DNAJC6: variants seen among roughly 807,000 people sequenced by gnomAD.
DNAJC6 encodes the protein DnaJ heat shock protein family (Hsp40) member C6.
In DNAJC6, 34 loss-of-function variants were observed where a neutral mutation model predicts 110.0. The observed-to-expected ratio is 0.31, with a 90% confidence interval of 0.24 to 0.41. The LOEUF is 0.41. Among genes scored for constraint, DNAJC6 ranks in the 10% least tolerant of loss-of-function variants. The probability of loss-of-function intolerance (pLI) is 1.00; values close to 1 mark genes in which losing one functional copy is unlikely to be tolerated. For missense variants in DNAJC6, 1,031 were observed against 1,207.8 expected (o/e 0.85, Z 2.17); for synonymous variants, 406 against 437.2 (o/e 0.93, Z 0.89).
At chr1:65,383,805 T>C (rs909307426) in intron 5 of DNAJC6, among the ~76,000 whole-genome samples, 3 of 152,238 alleles carry the variant, frequency 2.0e-5, no homozygotes, top group Non-Finnish European at 4.4e-5. Flanking sequence ...TTGCATGAGA[T>C]ACATATATGC....
At chr1:65,402,423 T>C (rs1030716458) in intron 15 of DNAJC6, among the ~76,000 whole-genome samples, 4 of 152,288 alleles carry the variant, frequency 2.6e-5, no homozygotes, top group African/African-American at 7.2e-5. Flanking sequence ...ACAGGATAAG[T>C]GTTCTGAGAG....
intron 1 of DNAJC6, among the ~76,000 whole-genome samples, chr1:65,291,587 C>A (rs1448445293): frequency 6.6e-6 from 1 of 152,048 alleles, no homozygotes; most frequent in Non-Finnish European, 1.5e-5. Flanking sequence ...TGAACTATAT[C>A]CCTGCATACT....
rs909600033 is a variant in DNAJC6 at position 65,398,092 on chromosome 1, C to T, written c.2039-721C>T. Among the ~76,000 whole-genome samples, 6 of 152,156 alleles carry T rather than the reference C, an allele frequency of 3.9e-5. 1 individual carries two copies. Among genetic ancestry groups the T allele is most frequent in the African/African-American group, 7.2e-5 (3 of 41,444 alleles). The stretch of plus-strand genomic sequence containing the variant: ...TTATAGATGTGTAAAAAACTTACTA[C>T]GCACATGTATTCCTCTAGTACACCT... On this transcript the variant is annotated intron_variant, in intron 13 of 18. Coordinates refer to ENST00000371069, the MANE Select transcript of DNAJC6 (RefSeq NM_001256864.2).
Position 65,392,742 on chromosome 1 carries a change from A to AC in DNAJC6, c.1783dup (p.Gln595ProfsTer14). 1 of 1,612,966 alleles carries AC rather than the reference A, an allele frequency of 6.2e-7. No homozygotes were observed. The highest frequency in any genetic ancestry group is 1.1e-5 in the South Asian group (1 of 90,784). On this transcript the variant is annotated frameshift_variant, in exon 12 of 19. Coordinates refer to ENST00000371069, the MANE Select transcript of DNAJC6 (RefSeq NM_001256864.2). LOFTEE classifies it high-confidence loss of function. Reference sequence around the variant, plus strand: ...TGGGGGTGGAGGTGCAGCTGGTCCCACCCAGGCTGGACAGTCAGGAGTGGA... The same window carrying AC: ...TGGGGGTGGAGGTGCAGCTGGTCCCACCCCAGGCTGGACAGTCAGGAGTGGA...
chr1:65,393,792 G>A (rs1570367532), intron 12 of DNAJC6, among the ~76,000 whole-genome samples: 1 of 152,104 alleles, frequency 6.6e-6, no homozygotes, highest in Non-Finnish European at 1.5e-5. Flanking sequence ...AACTCTTCAG[G>A]CCTATAGTAT....
intron 1 of DNAJC6, among the ~76,000 whole-genome samples, chr1:65,295,850 A>G (rs1323513190): frequency 6.6e-6 from 1 of 152,146 alleles, no homozygotes; most frequent in African/African-American, 2.4e-5. Flanking sequence ...GAAAGTTAAG[A>G]TAGATTGAGG....
chr1:65,283,640 G>A (rs1396804704), intron 1 of DNAJC6, among the ~76,000 whole-genome samples: 1 of 152,232 alleles, frequency 6.6e-6, no homozygotes, highest in Non-Finnish European at 1.5e-5. Flanking sequence ...CTGTGTGAAA[G>A]TAAGTCTTCA....
chr1:65,381,811 T>C (rs1392444289), intron 5 of DNAJC6, among the ~76,000 whole-genome samples: 1 of 152,226 alleles, frequency 6.6e-6, no homozygotes, highest in Non-Finnish European at 1.5e-5. Context: ...TATTCTGTTT[T>C]CTTTATCAGA....
intron 1 of DNAJC6, among the ~76,000 whole-genome samples, chr1:65,270,568 T>A (rs1295716429): frequency 1.3e-5 from 2 of 152,188 alleles, no homozygotes; most frequent in Admixed American, 1.3e-4. Flanking sequence ...TTACCCTCTT[T>A]AAAGGGCAGA....
At chr1:65,345,315 G>C (rs1383804305) in intron 1 of DNAJC6, among the ~76,000 whole-genome samples, 1 of 151,418 alleles carries the variant, frequency 6.6e-6, no homozygotes, top group Non-Finnish European at 1.5e-5. Flanking sequence ...GAAATAAGAA[G>C]GTAGGCATGC....
chr1:65,387,022 T>C, intron 8 of DNAJC6, 93 bp downstream of exon 8: 1 of 1,049,236 alleles, frequency 9.5e-7, no homozygotes, highest in South Asian at 1.4e-5. Flanking sequence ...TGGGCTTGAG[T>C]CACTTGTAGT....
intron 1 of DNAJC6, among the ~76,000 whole-genome samples, chr1:65,289,709 T>C (rs1886777): frequency 0.71 from 108,286 of 152,132 alleles, 39,799 homozygotes; most frequent in African/African-American, 0.91. Context: ...TTAAGCTATC[T>C]GGTCTATGCT....
At chr1:65,326,785 A>G (rs1438348128) in intron 1 of DNAJC6, among the ~76,000 whole-genome samples, 3 of 152,198 alleles carry the variant, frequency 2.0e-5, no homozygotes, top group African/African-American at 7.2e-5. Flanking sequence ...TTTCTATGCC[A>G]CTGCTTAAAG....
At chr1:65,357,944 C>T (rs1390391606) in intron 1 of DNAJC6, among the ~76,000 whole-genome samples, 3 of 152,024 alleles carry the variant, frequency 2.0e-5, no homozygotes, top group African/African-American at 4.8e-5. Context: ...ATTGGGAGGC[C>T]GAGGCTGGCG....
At chr1:65,264,975 G>A (rs1279958599) in intron 1 of DNAJC6, 1 of 1,591,696 alleles carries the variant, frequency 6.3e-7, no homozygotes, top group East Asian at 2.2e-5. Flanking sequence ...GAGGGCTAAA[G>A]GCTAAAAGAT....
chr1:65,291,746 G>A (rs1385198730), intron 1 of DNAJC6, among the ~76,000 whole-genome samples: 1 of 152,100 alleles, frequency 6.6e-6, no homozygotes, highest in African/African-American at 2.4e-5. Context: ...CATTCATAAA[G>A]CAATTCTACG....
chr1:65,305,722 C>A (rs1645030641), upstream of DNAJC6, among the ~76,000 whole-genome samples: 1 of 151,506 alleles, frequency 6.6e-6, no homozygotes, highest in African/African-American at 2.4e-5. Context: ...AAACTCAGGG[C>A]AAAACAATCA....
At chr1:65,316,654 C>T (rs1645151540) in intron 1 of DNAJC6, among the ~76,000 whole-genome samples, 1 of 152,098 alleles carries the variant, frequency 6.6e-6, no homozygotes, top group Admixed American at 6.5e-5. Context: ...TATGCCCATC[C>T]AAATCTAAAA....
chr1:65,339,941 C>T (rs1645373691), intron 1 of DNAJC6, among the ~76,000 whole-genome samples: 1 of 152,214 alleles, frequency 6.6e-6, no homozygotes, highest in Admixed American at 6.5e-5. Flanking sequence ...TGGTGATACT[C>T]CTAACAGTCC....
Sources: allele counts gnomAD v4.1 joint callset (sites outside exome capture counted in the v4.1 genomes callset), GRCh38; gene constraint gnomAD v4.1.1; transcripts MANE v1.5; gene names NCBI Gene and HGNC (gene_info 2026-07-23, HGNC 2026-07-21).